REL: variants seen among roughly 807,000 people sequenced by gnomAD.
REL encodes proto-oncogene c-Rel.
REL carries 15 observed loss-of-function variants against 45.9 expected under a neutral mutation model. The ratio of observed to expected loss-of-function variants is 0.33; its 90% CI spans 0.22 to 0.50. The LOEUF is 0.50. Ranked by LOEUF, REL falls within the 20% of genes least tolerant of loss-of-function variation. The probability of loss-of-function intolerance (pLI) is 0.98; values close to 1 mark genes in which losing one functional copy is unlikely to be tolerated. For synonymous variants in REL, 239 were observed against 242.1 expected (o/e 0.99, Z 0.12); for missense variants, 601 against 715.2 (o/e 0.84, Z 1.82).
Position 60,920,602 on chromosome 2 carries a change from TCTC to T in REL, c.955_957del (p.Leu319del). 1 of 1,604,884 alleles carries T rather than the reference TCTC, an allele frequency of 6.2e-7. No individual in the cohort carries two copies. The highest frequency in any genetic ancestry group is 8.5e-7 in the Non-Finnish European group (1 of 1,173,496). On this transcript the variant is annotated inframe_deletion, in exon 9 of 10. Coordinates refer to ENST00000394479, the MANE Select transcript of REL (RefSeq NM_001291746.2). The stretch of plus-strand genomic sequence containing the variant: ...ATTTTCCTGAGAGACCAAGACCTGG[TCTC>T]CTCGGTTCAATTGGAGAAGGAAGAT...
In REL at chr2:60,901,056, A is replaced by G; in HGVS notation, c.367A>G (p.Ile123Val). 6.2e-7 allele frequency: 1 copy of G among 1,609,212 alleles called. No homozygotes were observed. The change falls in exon 4 of 10, where the codon ATA becomes GTA. Residue 123 changes from isoleucine to valine, a missense_variant. Ile to Val is a conservative substitution (Grantham distance 29). Coordinates refer to ENST00000394479, the MANE Select transcript of REL (RefSeq NM_001291746.2). ...KEVKEAIITRIKAGINPFNVP... is the reference protein window; with the variant it reads ...KEVKEAIITRVKAGINPFNVP... ...AGTAAAAGAAGCTATTATTACAAGA[A>G]TAAAGGCAGGAATCAATCCATTCAA...
chr2:60,917,056 G>T (rs777534299), intron 5 of REL, 39 bp downstream of exon 5: 3 of 1,535,546 alleles, frequency 2.0e-6, no homozygotes, highest in East Asian at 2.3e-5. Context: ...GTCTTAACTT[G>T]TTTTTTGTAA....
In REL at chr2:60,929,453, A is replaced by T. The variant is rs1674340647; in HGVS notation, c.*6918A>T. The T allele has an allele frequency of 6.8e-6, 1 of 147,754 alleles. No homozygotes were observed. The highest frequency in any genetic ancestry group is 1.5e-5 in the Non-Finnish European group (1 of 66,644). 9.2% of individuals were successfully genotyped at this position (147,754 alleles called of 1,614,324 possible). ...CCAACAATGATAGACTGGATTAAGA[A>T]AATGTGGCACATATACACCATGGAA... On this transcript the variant is annotated 3_prime_UTR_variant, in exon 10 of 10. Transcript: ENST00000394479.
Position 60,929,158 on chromosome 2 carries a change from AAGTC to A in REL, c.*6626_*6629del, listed in dbSNP as rs891397634. 1 of 151,446 alleles carries A rather than the reference AAGTC, an allele frequency of 6.6e-6. No homozygotes were observed. Among genetic ancestry groups the A allele is most frequent in the African/African-American group, 2.4e-5 (1 of 41,208 alleles). The allele number at this position is 151,446 out of a possible 1,614,324, so 9.4% of individuals were successfully genotyped here. A position where few individuals can be genotyped will look rare whatever the true frequency, so the allele number is the denominator to read the frequency against. Reference sequence around the variant, plus strand: ...ACCAGTTAGAATGGCAATCATTAAAAAGTCAGGAGACAACAGGTGCTGGAGAGGA... The same window carrying A: ...ACCAGTTAGAATGGCAATCATTAAAAAGGAGACAACAGGTGCTGGAGAGGA... On this transcript the variant is annotated 3_prime_UTR_variant, in exon 10 of 10. Coordinates refer to ENST00000394479, the MANE Select transcript of REL (RefSeq NM_001291746.2).
chr2:60,916,860 T>G lies in REL; in HGVS notation c.395-17T>G, dbSNP rs760396521. The G allele has an allele frequency of 6.3e-7, 1 of 1,598,502 alleles. No homozygotes were observed. The highest frequency in any genetic ancestry group is 8.5e-7 in the Non-Finnish European group (1 of 1,170,810). ...TATGTGACTATTACATTTAAAAAATTTTTTTTTTCTATTCAGTCCCTGAAA... is the reference window on the plus strand; with the variant it reads ...TATGTGACTATTACATTTAAAAAATGTTTTTTTTCTATTCAGTCCCTGAAA... On this transcript the variant is annotated splice_polypyrimidine_tract_variant and intron_variant, in intron 4 of 9. Coordinates refer to ENST00000394479, the MANE Select transcript of REL (RefSeq NM_001291746.2).
chr2:60,919,790 C>T (rs1395003672), intron 7 of REL, among the ~76,000 whole-genome samples: 1 of 151,686 alleles, frequency 6.6e-6, no homozygotes, highest in Non-Finnish European at 1.5e-5. Flanking sequence ...CAAACTCCTG[C>T]GCTCAAGTGA....
intron 1 of REL, among the ~76,000 whole-genome samples, chr2:60,886,776 T>A (rs951931671): frequency 1.3e-5 from 2 of 152,188 alleles, no homozygotes; most frequent in African/African-American, 4.8e-5. Flanking sequence ...GCTCATGCTT[T>A]ATTAGATAGG....
chr2:60,926,585 C>A lies in REL; in HGVS notation c.*4050C>A. ...CTCCCCTCAGTTGGTGCTATTTCCCCCTACCCGCCCTCCGATGATCTTATC... is the reference window on the plus strand; with the variant it reads ...CTCCCCTCAGTTGGTGCTATTTCCCACTACCCGCCCTCCGATGATCTTATC... On this transcript the variant is annotated 3_prime_UTR_variant, in exon 10 of 10. Transcript: ENST00000394479. 1 of 231,414 alleles carries A rather than the reference C, an allele frequency of 4.3e-6. No individual in the cohort carries two copies. Among genetic ancestry groups the A allele is most frequent in the Non-Finnish European group, 8.6e-6 (1 of 116,834 alleles). 14.3% of individuals were successfully genotyped at this position (231,414 alleles called of 1,614,324 possible).
At chr2:60,899,315 G>C (rs1350419854) in intron 3 of REL, 1 of 152,034 alleles carries the variant, frequency 6.6e-6, no homozygotes, top group African/African-American at 2.4e-5. Context: ...GTGAAACCCT[G>C]GCTCTACAAA....
At chr2:60,889,730 C>G (rs1673160432) in intron 1 of REL, among the ~76,000 whole-genome samples, 1 of 151,630 alleles carries the variant, frequency 6.6e-6, no homozygotes, top group Non-Finnish European at 1.5e-5. Context: ...TTTTTTTGTC[C>G]TCACGATAGT....
chr2:60,894,604 C>T (rs1673301649), intron 3 of REL, 59 bp downstream of exon 3: 7 of 1,291,406 alleles, frequency 5.4e-6, no homozygotes, highest in Admixed American at 5.2e-5. Context: ...TGTTCTGTTT[C>T]TTCTCCATGA....
intron 4 of REL, among the ~76,000 whole-genome samples, chr2:60,910,897 A>C (rs562332537): frequency 6.6e-6 from 1 of 152,278 alleles, no homozygotes; most frequent in African/African-American, 2.4e-5. Context: ...ACAACACTGC[A>C]CTCTAACCTG....
intron 1 of REL, among the ~76,000 whole-genome samples, chr2:60,882,868 C>T (rs1672979321): frequency 6.6e-6 from 1 of 151,996 alleles, no homozygotes; most frequent in Non-Finnish European, 1.5e-5. Flanking sequence ...ATATATTTTC[C>T]CTTAATAAAT....
intron 4 of REL, among the ~76,000 whole-genome samples, chr2:60,904,272 C>T (rs574539732): frequency 1.8e-4 from 28 of 151,996 alleles, no homozygotes; most frequent in South Asian, 1.0e-3. Context: ...CGTGGTGGCA[C>T]GCGCCTGTAG....
intron 3 of REL, chr2:60,900,527 CT>C (rs963008787): frequency 4.0e-3 from 592 of 146,882 alleles, no homozygotes; most frequent in East Asian, 5.8e-3. Context: ...AACCCCACTT[CT>C]TTTTTTTTTT....
Position 60,922,762 on chromosome 2 carries a change from G to C in REL, c.*227G>C, listed in dbSNP as rs1674178932. 6 of 1,126,654 alleles carry C rather than the reference G, an allele frequency of 5.3e-6. No homozygotes were observed. The highest frequency in any genetic ancestry group is 5.4e-6 in the Non-Finnish European group (5 of 918,600). 69.8% of individuals were successfully genotyped at this position (1,126,654 alleles called of 1,614,324 possible). A position where few individuals can be genotyped will look rare whatever the true frequency, so the allele number is the denominator to read the frequency against. On this transcript the variant is annotated 3_prime_UTR_variant, in exon 10 of 10. Transcript: ENST00000394479. ...AGCTGTCATAAAAAGACAACTCAGA[G>C]GCCAGGCGCAGGGGCTCACACCTGT...
intron 1 of REL, among the ~76,000 whole-genome samples, chr2:60,890,072 A>G (rs992022752): frequency 6.6e-6 from 1 of 152,190 alleles, no homozygotes; most frequent in African/African-American, 2.4e-5. Context: ...CCAACTGTGT[A>G]AAAGTGTTCC....
chr2:60,891,874 A>G (rs1573315842), intron 2 of REL, 49 bp downstream of exon 2: 1 of 1,506,558 alleles, frequency 6.6e-7, no homozygotes, highest in Non-Finnish European at 8.9e-7. Context: ...TGCTTCATAT[A>G]CTAGCTATAG....
rs1460997982 is a variant in REL at position 60,926,272 on chromosome 2, G to C, written c.*3737G>C. 1.7e-5 allele frequency: 4 copies of C among 231,356 alleles called. No individual in the cohort carries two copies. The highest frequency in any genetic ancestry group is 3.4e-5 in the Non-Finnish European group (4 of 116,870). The allele number at this position is 231,356 out of a possible 1,614,324, so 14.3% of individuals were successfully genotyped here. ...CAAATAAAACCTTTCCTACCACTTG[G>C]ATGCATTTGCATCCTGACTTCTGAA... On this transcript the variant is annotated 3_prime_UTR_variant, in exon 10 of 10. Coordinates refer to ENST00000394479, the MANE Select transcript of REL (RefSeq NM_001291746.2).
Sources: allele counts gnomAD v4.1 joint callset (sites outside exome capture counted in the v4.1 genomes callset), GRCh38; gene constraint gnomAD v4.1.1; transcripts MANE v1.5; gene names NCBI Gene and HGNC (gene_info 2026-07-23, HGNC 2026-07-21).